Variants in ZNF385D observed in about 807,000 individuals in gnomAD.
ZNF385D encodes the protein zinc finger protein 385D.
Under a neutral mutation model 35.8 loss-of-function variants are expected in ZNF385D, and 15 were observed. The observed-to-expected ratio is 0.42, with a 90% CI of 0.28 to 0.64. The LOEUF is 0.64. Ranked by LOEUF, ZNF385D falls within the 30% of genes least tolerant of loss-of-function variation. The probability of loss-of-function intolerance (pLI) is 0.23; values close to 1 mark genes in which losing one functional copy is unlikely to be tolerated. For synonymous variants in ZNF385D, 212 were observed against 186.8 expected, an observed-to-expected ratio of 1.13 and a Z score of -1.10; for missense variants, 474 against 494.6, an observed-to-expected ratio of 0.96 and a Z score of 0.39.
At chr3:21,680,357 C>T (rs956080380) in intron 1 of ZNF385D, among the ~76,000 whole-genome samples, 2 of 152,098 alleles carry the variant, frequency 1.3e-5, no homozygotes, top group Non-Finnish European at 2.9e-5. Context: ...AGTTCTTGTT[C>T]TTGCCGGCTT....
At chr3:22,157,922 A>C (rs920631256) in intron 3 of ZNF385D, among the ~76,000 whole-genome samples, 2 of 152,140 alleles carry the variant, frequency 1.3e-5, no homozygotes, top group Non-Finnish European at 2.9e-5. Context: ...CCTTAACTGG[A>C]ATAGAGTCTA....
intron 2 of ZNF385D, among the ~76,000 whole-genome samples, chr3:22,369,297 A>G (rs777446888): frequency 4.6e-5 from 7 of 152,194 alleles, no homozygotes; most frequent in African/African-American, 1.2e-4. Context: ...TGAAACAAAC[A>G]TTTTTAAAAC....
chr3:22,049,582 T>C (rs1198864421), intron 3 of ZNF385D, among the ~76,000 whole-genome samples: 2 of 152,174 alleles, frequency 1.3e-5, no homozygotes, highest in African/African-American at 2.4e-5. Context: ...AGTGGACATC[T>C]TTGCCTGCTT....
At chr3:21,662,953 T>G (rs373715869) in intron 2 of ZNF385D, among the ~76,000 whole-genome samples, 1 of 152,200 alleles carries the variant, frequency 6.6e-6, no homozygotes, top group East Asian at 1.9e-4. Context: ...CACAGACTTA[T>G]GAGGCGTATT....
At chr3:22,128,171 G>GT (rs1426038735) in intron 3 of ZNF385D, among the ~76,000 whole-genome samples, 4 of 152,258 alleles carry the variant, frequency 2.6e-5, no homozygotes, top group South Asian at 4.1e-4. Context: ...TAAGTTAAAA[G>GT]TTTTTTTCCA....
chr3:21,734,323 C>A (rs2069146869), intron 1 of ZNF385D, among the ~76,000 whole-genome samples: 2 of 150,394 alleles, frequency 1.3e-5, no homozygotes, highest in Non-Finnish European at 1.5e-5. Flanking sequence ...CACGGGAATT[C>A]AGAGAAAAGA....
At chr3:22,118,161 T>C (rs901118700) in intron 3 of ZNF385D, among the ~76,000 whole-genome samples, 1 of 152,254 alleles carries the variant, frequency 6.6e-6, no homozygotes. Flanking sequence ...ACTTTACTTA[T>C]AGAATTGTGA....
rs560124421 is a variant in ZNF385D, at chr3:21,575,296, A to G, written c.166-10612T>C. Among the ~76,000 whole-genome samples the G allele has an allele frequency of 4.0e-3, 605 of 152,240 alleles. 5 individuals carry two copies. Among genetic ancestry groups the G allele is most frequent in the Non-Finnish European group, 7.3e-3 (494 of 68,000 alleles). ...GGGTGGAGGTGGGAGGGTGGTGTTT[A>G]ATGGAGGTACACAAAAAGTCTTACG... On this transcript the variant is annotated intron_variant, in intron 2 of 7. Coordinates refer to ENST00000281523, the MANE Select transcript of ZNF385D (RefSeq NM_024697.3).
chr3:21,767,595 G>A (rs916113057), intron 3 of ZNF385D, among the ~76,000 whole-genome samples: 1 of 151,834 alleles, frequency 6.6e-6, no homozygotes, highest in Non-Finnish European at 1.5e-5. Flanking sequence ...TTCACAGTAG[G>A]TGCCCAATAT....
chr3:21,747,648 T>G (rs1477362205), intron 1 of ZNF385D, among the ~76,000 whole-genome samples: 1 of 152,188 alleles, frequency 6.6e-6, no homozygotes, highest in African/African-American at 2.4e-5. Flanking sequence ...CTGGAGACAG[T>G]GCACAGTTAC....
At chr3:21,805,831 C>T (rs907694653) in intron 3 of ZNF385D, among the ~76,000 whole-genome samples, 2 of 152,164 alleles carry the variant, frequency 1.3e-5, no homozygotes, top group African/African-American at 4.8e-5. Flanking sequence ...CTTGGAGCTT[C>T]GAGCATGGGA....
At chr3:21,942,412 T>A (rs761974540) in intron 3 of ZNF385D, among the ~76,000 whole-genome samples, 1 of 152,206 alleles carries the variant, frequency 6.6e-6, no homozygotes, top group African/African-American at 2.4e-5. Flanking sequence ...ACAAACAGAA[T>A]GTAAGGACTC....
At chr3:21,573,671 G>A (rs1258270147) in intron 2 of ZNF385D, among the ~76,000 whole-genome samples, 3 of 152,056 alleles carry the variant, frequency 2.0e-5, no homozygotes, top group African/African-American at 7.2e-5. Context: ...AAATAGAGAA[G>A]AATATCTAAA....
chr3:22,317,056 T>C (rs1042152633), intron 2 of ZNF385D, among the ~76,000 whole-genome samples: 10 of 151,690 alleles, frequency 6.6e-5, no homozygotes, highest in Non-Finnish European at 1.5e-4. Context: ...GGTGGGCGGA[T>C]TACCTGAGGT....
chr3:22,162,344 G>T (rs1706014492), intron 3 of ZNF385D, among the ~76,000 whole-genome samples: 1 of 152,148 alleles, frequency 6.6e-6, no homozygotes, highest in Non-Finnish European at 1.5e-5. Flanking sequence ...GTTTACATCT[G>T]TATAGAAAAT....
chr3:21,558,106 CATT>C (rs1302163111), intron 3 of ZNF385D, among the ~76,000 whole-genome samples: 9 of 138,324 alleles, frequency 6.5e-5, no homozygotes, highest in Non-Finnish European at 1.5e-5. Flanking sequence ...CTCCTGGATT[CATT>C]GATTTTTTTT....
intron 3 of ZNF385D, among the ~76,000 whole-genome samples, chr3:22,043,125 C>A (rs1050200414): frequency 1.3e-5 from 2 of 152,126 alleles, no homozygotes; most frequent in Admixed American, 6.6e-5. Context: ...ATTTGGTTTA[C>A]AAACAACAAG....
chr3:21,977,110 A>G (rs1703677318), intron 3 of ZNF385D, among the ~76,000 whole-genome samples: 1 of 152,240 alleles, frequency 6.6e-6, no homozygotes, highest in Non-Finnish European at 1.5e-5. Flanking sequence ...CCATTTAAAT[A>G]AAACTCAGTA....
intron 3 of ZNF385D, among the ~76,000 whole-genome samples, chr3:22,163,890 C>T (rs1706131654): frequency 1.4e-5 from 2 of 146,668 alleles, no homozygotes; most frequent in African/African-American, 5.1e-5. Flanking sequence ...TTCTAAATAA[C>T]CTAAAAAGGA....
Sources: allele counts gnomAD v4.1 joint callset (sites outside exome capture counted in the v4.1 genomes callset), GRCh38; gene constraint gnomAD v4.1.1; transcripts MANE v1.5; gene names NCBI Gene and HGNC (gene_info 2026-07-23, HGNC 2026-07-21).